The following MAPRE1 variants were observed in gnomAD, a reference collection of about 807,000 sequenced individuals.
MAPRE1 encodes microtubule associated protein RP/EB family member 1, also known as microtubule-associated protein RP/EB family member 1.
In MAPRE1, 5 loss-of-function variants were observed where a neutral mutation model predicts 32.1. That is an observed-to-expected ratio of 0.16 (90% CI 0.08 to 0.33). MAPRE1 has a LOEUF of 0.33. MAPRE1 is among the 10% of genes least tolerant of loss of function. The probability of loss-of-function intolerance (pLI) is 1.00; values close to 1 mark genes in which losing one functional copy is unlikely to be tolerated. For synonymous variants in MAPRE1, 122 were observed against 118.9 expected, an observed-to-expected ratio of 1.03 and a Z score of -0.17; for missense variants, 209 against 327.2, an observed-to-expected ratio of 0.64 and a Z score of 2.79.
intron 2 of MAPRE1, among the ~76,000 whole-genome samples, chr20:32,833,180 C>T (rs6057654): frequency 0.049 from 7,438 of 151,684 alleles, 200 homozygotes; most frequent in Non-Finnish European, 0.059. Context: ...CCAGCCTGGG[C>T]GACAGTGAGA....
intron 1 of MAPRE1, among the ~76,000 whole-genome samples, chr20:32,821,807 A>G (rs1006540503): frequency 1.3e-5 from 2 of 152,150 alleles, no homozygotes; most frequent in Admixed American, 6.6e-5. Flanking sequence ...GGATCTTGCT[A>G]GGAGAGCTGC....
At chr20:32,832,051 T>C (rs1384132743) in intron 2 of MAPRE1, among the ~76,000 whole-genome samples, 1 of 152,114 alleles carries the variant, frequency 6.6e-6, no homozygotes, top group Non-Finnish European at 1.5e-5. Flanking sequence ...CTGAAGATCC[T>C]TTCTTAATTA....
intron 5 of MAPRE1, among the ~76,000 whole-genome samples, chr20:32,844,476 G>A (rs1457366344): frequency 1.4e-5 from 1 of 69,458 alleles, no homozygotes; most frequent in Admixed American, 2.6e-4. Flanking sequence ...TTTTTGTGGC[G>A]TGATCTCAGC....
At chr20:32,844,769 C>G (rs991322469) in intron 5 of MAPRE1, among the ~76,000 whole-genome samples, 1 of 152,156 alleles carries the variant, frequency 6.6e-6, no homozygotes, top group African/African-American at 2.4e-5. Flanking sequence ...TTAATGCCAC[C>G]AGGCATGTGA....
At chr20:32,829,513 C>T (rs948921947) in intron 2 of MAPRE1, among the ~76,000 whole-genome samples, 2 of 152,206 alleles carry the variant, frequency 1.3e-5, no homozygotes, top group African/African-American at 4.8e-5. Context: ...GAAAGTGAGG[C>T]TCCTCAACTC....
chr20:32,847,443 A>G (rs1442261313), intron 6 of MAPRE1, among the ~76,000 whole-genome samples: 1 of 152,248 alleles, frequency 6.6e-6, no homozygotes, highest in East Asian at 1.9e-4. Context: ...TGTAGGATCA[A>G]ACTACAAACT....
chr20:32,823,339 C>T (rs533225430), intron 1 of MAPRE1, among the ~76,000 whole-genome samples: 1 of 152,360 alleles, frequency 6.6e-6, no homozygotes, highest in Non-Finnish European at 1.5e-5. Context: ...GGGCTGGGAT[C>T]TCAGGATTGT....
chr20:32,825,402 C>T (rs565416730), intron 1 of MAPRE1, among the ~76,000 whole-genome samples: 3 of 152,240 alleles, frequency 2.0e-5, no homozygotes, highest in Admixed American at 2.0e-4. Context: ...TTGGGCAGTT[C>T]ATTTCAGGTC....
chr20:32,820,244 G>A (rs1289972427), intron 1 of MAPRE1, among the ~76,000 whole-genome samples: 1 of 122,682 alleles, frequency 8.2e-6, no homozygotes, highest in Non-Finnish European at 1.7e-5. Context: ...GGGGTCTCGG[G>A]CCGGAAGTGG....
chr20:32,847,086 G>A (rs1983524016), intron 6 of MAPRE1, among the ~76,000 whole-genome samples: 1 of 152,190 alleles, frequency 6.6e-6, no homozygotes, highest in Admixed American at 6.5e-5. Context: ...ACCTCCTATT[G>A]CTTGGATCCC....
chr20:32,836,256 A>C (rs1182954233), intron 3 of MAPRE1, among the ~76,000 whole-genome samples: 3 of 152,186 alleles, frequency 2.0e-5, no homozygotes, highest in Non-Finnish European at 4.4e-5. Flanking sequence ...TGTGCAGTGG[A>C]TTTCATGCTT....
intron 2 of MAPRE1, among the ~76,000 whole-genome samples, chr20:32,830,024 C>T (rs1982974020): frequency 6.6e-6 from 1 of 152,120 alleles, no homozygotes; most frequent in South Asian, 2.1e-4. Context: ...TGTTGCATTC[C>T]ATATTCAGGC....
chr20:32,840,086 C>G (rs1983318909), intron 5 of MAPRE1, among the ~76,000 whole-genome samples: 1 of 152,196 alleles, frequency 6.6e-6, no homozygotes, highest in African/African-American at 2.4e-5. Context: ...GCTCGGAAGC[C>G]AGTGCTTAGA....
chr20:32,825,306 C>T (rs1273946422), intron 1 of MAPRE1, among the ~76,000 whole-genome samples: 4 of 152,184 alleles, frequency 2.6e-5, no homozygotes, highest in Non-Finnish European at 5.9e-5. Flanking sequence ...AAAGCACTTA[C>T]TCATCCCTTT....
At chr20:32,848,213 GT>G (rs796134951) in intron 6 of MAPRE1, among the ~76,000 whole-genome samples, 33 of 143,904 alleles carry the variant, frequency 2.3e-4, no homozygotes, top group South Asian at 8.8e-4. Context: ...GGCTTGGCTA[GT>G]TTTTTTTTTT....
At chr20:32,847,173 C>T (rs576093097) in intron 6 of MAPRE1, among the ~76,000 whole-genome samples, 82 of 152,292 alleles carry the variant, frequency 5.4e-4, no homozygotes, top group Admixed American at 8.5e-4. Flanking sequence ...CCCTTTTTCA[C>T]GGCGTGCCCA....
intron 6 of MAPRE1, among the ~76,000 whole-genome samples, 178 bp from the exon 7 acceptor site, chr20:32,848,494 T>C (rs1425801919): frequency 1.3e-5 from 2 of 152,184 alleles, no homozygotes; most frequent in Non-Finnish European, 2.9e-5. Context: ...TTGACTGTGC[T>C]CAGTTTTTGT....
At chr20:32,832,003 A>C (rs6057652) in intron 2 of MAPRE1, among the ~76,000 whole-genome samples, 2,744 of 151,526 alleles carry the variant, frequency 0.018, 28 homozygotes, top group South Asian at 0.044. Flanking sequence ...TGGATGAGTA[A>C]ATAAATCAGT....
intron 2 of MAPRE1, among the ~76,000 whole-genome samples, chr20:32,827,635 G>A (rs1226723505): frequency 6.6e-6 from 1 of 152,068 alleles, no homozygotes; most frequent in African/African-American, 2.4e-5. Context: ...GGTGGCTCGT[G>A]CCTGTAATCT....
Sources: allele counts gnomAD v4.1 joint callset (sites outside exome capture counted in the v4.1 genomes callset), GRCh38; gene constraint gnomAD v4.1.1; transcripts MANE v1.5; gene names NCBI Gene and HGNC (gene_info 2026-07-23, HGNC 2026-07-21).